Variants in PLK5 observed in about 807,000 individuals in gnomAD.
The protein encoded by PLK5 is inactive serine/threonine-protein kinase PLK5.
PLK5 carries 28 observed loss-of-function variants against 33.7 expected under a neutral mutation model. The observed-to-expected ratio is 0.83, with a 90% CI of 0.62 to 1.14. The LOEUF (loss-of-function observed/expected upper bound fraction) is 1.14, where lower values mean the gene tolerates loss of function less well. PLK5 is among the 50% of genes most tolerant of loss of function. The pLI, the probability that PLK5 is intolerant of heterozygous loss-of-function variation, is 0.00. For missense variants in PLK5, 492 were observed against 461.5 expected (o/e 1.07, Z -0.61); for synonymous variants, 225 against 202.2 (o/e 1.11, Z -0.96).
intron 11 of PLK5, among the ~76,000 whole-genome samples, chr19:1,530,048 C>T (rs1195759425): frequency 6.6e-6 from 1 of 152,044 alleles, no homozygotes; most frequent in African/African-American, 2.4e-5. Context: ...CTCTTAAATT[C>T]ATGACCCGGG....
At position 1,527,961 on chromosome 19, in the gene PLK5, C is replaced by T. The variant is rs1370002005; in HGVS notation, c.28C>T (p.Pro10Ser). MYTVLTGTP[P>S]FMASPLSEMY... ...GTACACGGTGCTGACTGGCACCCCA[C>T]CCTTCATGGCCTCACCCCTGTCGGA... Residue 10 changes from proline (P) to serine (S), a missense_variant, in exon 7 of 14, where the codon CCC becomes TCC. Transcript: ENST00000454744. The T allele has an allele frequency of 3.9e-6, 6 of 1,535,704 alleles. No individual in the cohort carries two copies. The highest frequency in any genetic ancestry group is 5.2e-6 in the Non-Finnish European group (6 of 1,146,680).
chr19:1,529,827 A>T lies in PLK5; in HGVS notation c.568+3A>T. ...GTGCCTGGATGTAGGCCCCCCGGGT[A>T]GGAGCCGGCCCAGCCCCCAGGATCA... On this transcript the variant is annotated splice_donor_region_variant and intron_variant, in intron 11 of 13. Coordinates refer to ENST00000454744, the MANE Select transcript of PLK5 (RefSeq NM_001243079.2). 6.5e-7 allele frequency: 1 copy of T among 1,535,444 alleles called. No individual in the cohort carries two copies. The highest frequency in any genetic ancestry group is 8.7e-7 in the Non-Finnish European group (1 of 1,146,632).
At chr19:1,532,148 A>G (rs1352122079) in intron 12 of PLK5, among the ~76,000 whole-genome samples, 1 of 152,130 alleles carries the variant, frequency 6.6e-6, no homozygotes, top group East Asian at 1.9e-4. Context: ...GTGAATGACA[A>G]GCGGCAGCCC....
At position 1,529,472 on chromosome 19, in the gene PLK5, C is replaced by T. The variant is rs1386079458; in HGVS notation, c.472C>T (p.Leu158=). 2.6e-6 allele frequency: 4 copies of T among 1,535,850 alleles called. No individual in the cohort carries two copies. In the South Asian group the frequency reaches 3.6e-5, roughly 14 times the overall value. ...CATCCACCTGGTCGCACAAGGGACCCTGCAGAGTGACCTGGCCGGTGAGCA... is the reference window on the plus strand; with the variant it reads ...CATCCACCTGGTCGCACAAGGGACCTTGCAGAGTGACCTGGCCGGTGAGCA... ...GPIHLVAQGT[L]QSDLAGPEGS... is the part of the protein sequence containing the mutation. Residue 158 remains leucine, a synonymous_variant, in exon 10 of 14, where the codon CTG becomes TTG. Coordinates refer to ENST00000454744, the MANE Select transcript of PLK5 (RefSeq NM_001243079.2).
chr19:1,534,821 A>T (rs1421582353), intron 13 of PLK5, among the ~76,000 whole-genome samples: 1 of 151,912 alleles, frequency 6.6e-6, no homozygotes, highest in Non-Finnish European at 1.5e-5. Context: ...TGTTTAAAAA[A>T]AAAAAAAAGT....
At chr19:1,533,159 CTT>C (rs1913983075) in intron 12 of PLK5, among the ~76,000 whole-genome samples, 1 of 151,896 alleles carries the variant, frequency 6.6e-6, no homozygotes, top group Non-Finnish European at 1.5e-5. Flanking sequence ...GAGTTGTGCT[CTT>C]GTTGCCCAGG....
chr19:1,526,074 G>A (rs896050110), intron 3 of PLK5, among the ~76,000 whole-genome samples: 4 of 152,144 alleles, frequency 2.6e-5, no homozygotes, highest in Non-Finnish European at 5.9e-5. Flanking sequence ...GGTCACCTGC[G>A]CCCCTCCTGC....
At chr19:1,527,102 C>A in intron 6 of PLK5, 104 bp downstream of exon 6, 1 of 1,240,286 alleles carries the variant, frequency 8.1e-7, no homozygotes, top group Non-Finnish European at 1.1e-6. Context: ...CAGGGTGGGG[C>A]GCGTGGAACA....
intron 6 of PLK5, among the ~76,000 whole-genome samples, chr19:1,527,725 G>A (rs1303536225): frequency 1.3e-5 from 2 of 151,780 alleles, no homozygotes; most frequent in Non-Finnish European, 2.9e-5. Flanking sequence ...TGCACAGGGT[G>A]CCAGGTGCAG....
rs1361178421 is a variant in PLK5 at position 1,528,349 on chromosome 19, C to T, written c.249C>T (p.Pro83=). 6.5e-6 allele frequency: 10 copies of T among 1,535,650 alleles called. No homozygotes were observed. Among genetic ancestry groups the T allele is most frequent in the Admixed American group, 3.9e-5 (2 of 50,956 alleles). The change falls in exon 8 of 14, where the codon CCC becomes CCT. Residue 83 remains proline (P), a synonymous_variant. Transcript: ENST00000454744. ...CGGCCCACTCCTGCCACAGTCCCCC[C>T]ATCTTCGCCATACCCCCGCCTCTGG... ...RLPAHSCHSP[P]IFAIPPPLGR...
At chr19:1,535,034 C>T (rs1914053090) in intron 13 of PLK5, 31 bp from the exon 14 acceptor site, 2 of 1,479,812 alleles carry the variant, frequency 1.4e-6, no homozygotes, top group African/African-American at 1.4e-5. Context: ...GGGTACCCGT[C>T]TCCCCTTGAC....
At chr19:1,528,850 G>A (rs1913837760) in intron 8 of PLK5, 48 bp from the exon 9 acceptor site, 2 of 1,402,366 alleles carry the variant, frequency 1.4e-6, no homozygotes, top group East Asian at 2.6e-5. Context: ...CCTACCCCCA[G>A]CTTGGGGCCC....
At chr19:1,529,715 C>T (rs1039523298) in intron 10 of PLK5, 32 bp from the exon 11 acceptor site, 57 of 1,534,518 alleles carry the variant, frequency 3.7e-5, no homozygotes, top group Middle Eastern at 1.7e-4. Flanking sequence ...GGAACCCAGA[C>T]CTGTCTGCGG....
rs1226854716 is a variant in PLK5 at position 1,531,769 on chromosome 19, C to T, written c.600C>T (p.Pro200=). 5.2e-6 allele frequency: 8 copies of T among 1,536,200 alleles called. No homozygotes were observed. Among genetic ancestry groups the T allele is most frequent in the Non-Finnish European group, 7.0e-6 (8 of 1,146,888 alleles). The change falls in exon 12 of 14, where the codon CCC becomes CCT. Residue 200 remains proline, a synonymous_variant. Transcript: ENST00000454744. ...AGGACCCCCTGGGAGAGCAGCAGCCCATCCTCTGGGCCCCCAAATGGGTGG... is the reference window on the plus strand; with the variant it reads ...AGGACCCCCTGGGAGAGCAGCAGCCTATCCTCTGGGCCCCCAAATGGGTGG... ...ATQDPLGEQQ[P]ILWAPKWVDY...
In PLK5 at chr19:1,528,293, C is replaced by A; in HGVS notation, c.202-9C>A. The stretch of plus-strand genomic sequence containing the variant: ...TAAGCCGGGGATAACCCCAAATCCC[C>A]ATCCAAAGGGTTTCACTCCAGACCG... On this transcript the variant is annotated splice_polypyrimidine_tract_variant and intron_variant, in intron 7 of 13. Transcript: ENST00000454744. 6.5e-7 allele frequency: 1 copy of A among 1,535,918 alleles called. No homozygotes were observed. The highest frequency in any genetic ancestry group is 1.2e-5 in the South Asian group (1 of 84,060).
chr19:1,529,720 C>T (rs1913870727), intron 10 of PLK5, 27 bp from the exon 11 acceptor site: 1 of 1,535,400 alleles, frequency 6.5e-7, no homozygotes, highest in Admixed American at 2.0e-5. Context: ...CCAGACCTGT[C>T]TGCGGCACAA....
chr19:1,533,638 C>A, intron 12 of PLK5: 1 of 541,638 alleles, frequency 1.8e-6, no homozygotes, highest in South Asian at 2.9e-5. Flanking sequence ...TTAAAGCCAC[C>A]ATTCCAGGGG....
Position 1,528,335 on chromosome 19 carries a change from T to G in PLK5, c.235T>G (p.Cys79Gly). The change falls in exon 8 of 14, where the codon TGC (cysteine) becomes GGC (glycine). Residue 79 changes from cysteine to glycine, a missense_variant. Transcript: ENST00000454744. ...TCCAGACCGGCTGCCGGCCCACTCC[T>G]GCCACAGTCCCCCCATCTTCGCCAT... ...FTPDRLPAHS[C>G]HSPPIFAIPP... The G allele has an allele frequency of 6.5e-7, 1 of 1,535,722 alleles. No individual in the cohort carries two copies. Among genetic ancestry groups the G allele is most frequent in the Non-Finnish European group, 8.7e-7 (1 of 1,146,760 alleles).
At chr19:1,525,538 G>A (rs527333971) in intron 2 of PLK5, 57 bp from the exon 3 acceptor site, 1 of 152,782 alleles carries the variant, frequency 6.5e-6, no homozygotes, top group African/African-American at 2.4e-5. Context: ...AGGCAGGCGA[G>A]CATCCTGCAG....
Sources: allele counts gnomAD v4.1 joint callset (sites outside exome capture counted in the v4.1 genomes callset), GRCh38; gene constraint gnomAD v4.1.1; transcripts MANE v1.5; gene names NCBI Gene and HGNC (gene_info 2026-07-23, HGNC 2026-07-21).